Variants in FRAS1 observed in about 807,000 individuals in gnomAD.
The protein encoded by FRAS1 is Fraser extracellular matrix complex subunit 1.
Under a neutral mutation model 435.2 loss-of-function variants are expected in FRAS1, and 290 were observed. That is an observed-to-expected ratio of 0.67 (90% CI 0.61 to 0.73). FRAS1 has a LOEUF of 0.73. Among genes scored for constraint, FRAS1 ranks in the 30% least tolerant of loss-of-function variants. The pLI is 0.00. For missense variants in FRAS1, 4,860 were observed against 5,001.5 expected, an observed-to-expected ratio of 0.97 and a Z score of 0.85; for synonymous variants, 1,800 against 1,851.0, an observed-to-expected ratio of 0.97 and a Z score of 0.71.
At chr4:78,113,543 C>T (rs1742891495) in intron 2 of FRAS1, among the ~76,000 whole-genome samples, 1 of 152,170 alleles carries the variant, frequency 6.6e-6, no homozygotes, top group Non-Finnish European at 1.5e-5. Context: ...GATGGTATCT[C>T]ATTGTGGTTT....
At chr4:78,252,909 T>C (rs1725610164) in intron 5 of FRAS1, among the ~76,000 whole-genome samples, 2 of 152,150 alleles carry the variant, frequency 1.3e-5, no homozygotes, top group Non-Finnish European at 2.9e-5. Context: ...AGGGTCTGTG[T>C]CCCGCTGTGC....
intron 2 of FRAS1, among the ~76,000 whole-genome samples, chr4:78,168,508 A>G (rs574528710): frequency 2.0e-5 from 3 of 151,850 alleles, no homozygotes; most frequent in Non-Finnish European, 4.4e-5. Context: ...TAAAACTTCA[A>G]ATTTTTTTTT....
At chr4:78,538,353 TG>T (rs1047225411) in intron 72 of FRAS1, among the ~76,000 whole-genome samples, 10 of 152,190 alleles carry the variant, frequency 6.6e-5, no homozygotes, top group African/African-American at 2.4e-4. Flanking sequence ...TAAAGGGTCC[TG>T]AGACCAAATA....
chr4:78,306,533 C>A (rs1728724027), intron 14 of FRAS1, among the ~76,000 whole-genome samples: 2 of 95,420 alleles, frequency 2.1e-5, no homozygotes, highest in African/African-American at 4.3e-5. Context: ...TTCACATAGT[C>A]CCATATTTCT....
intron 4 of FRAS1, among the ~76,000 whole-genome samples, chr4:78,250,160 T>G (rs1725467767): frequency 6.6e-6 from 1 of 152,106 alleles, no homozygotes; most frequent in Admixed American, 6.6e-5. Context: ...AAATATTTTC[T>G]TGGGGAAAAT....
At chr4:78,207,962 C>G (rs556848265) in intron 2 of FRAS1, among the ~76,000 whole-genome samples, 1 of 152,154 alleles carries the variant, frequency 6.6e-6, no homozygotes, top group Non-Finnish European at 1.5e-5. Context: ...CATTGTGAAC[C>G]TTTGCTCCAG....
At chr4:78,060,064 TAATGAATG>T (rs895626245) in intron 1 of FRAS1, among the ~76,000 whole-genome samples, 4 of 152,158 alleles carry the variant, frequency 2.6e-5, no homozygotes, top group Admixed American at 1.3e-4. Flanking sequence ...GCTTATCTAA[TAATGAATG>T]AATGAATGAA....
At chr4:78,184,140 C>T (rs1326969630) in intron 2 of FRAS1, among the ~76,000 whole-genome samples, 1 of 152,130 alleles carries the variant, frequency 6.6e-6, no homozygotes, top group African/African-American at 2.4e-5. Context: ...CCCATTTATT[C>T]CTCATAGCAA....
At chr4:78,410,913 A>G (rs1733308674) in intron 31 of FRAS1, among the ~76,000 whole-genome samples, 1 of 152,180 alleles carries the variant, frequency 6.6e-6, no homozygotes, top group Admixed American at 6.5e-5. Flanking sequence ...TTTTATAGGC[A>G]TACCTAATAT....
intron 21 of FRAS1, 49 bp downstream of exon 21, chr4:78,363,714 T>C (rs1731163880): frequency 1.3e-6 from 2 of 1,542,796 alleles, no homozygotes; most frequent in Non-Finnish European, 1.8e-6. Flanking sequence ...TGAGGTTCTC[T>C]TGGGGCAGTA....
intron 29 of FRAS1, among the ~76,000 whole-genome samples, chr4:78,399,728 G>A (rs375911913): frequency 9.2e-5 from 14 of 152,234 alleles, no homozygotes; most frequent in African/African-American, 2.9e-4. Flanking sequence ...TGCTGTCTAC[G>A]ATGAATTTAC....
In FRAS1 at chr4:78,521,620, C is replaced by A; in HGVS notation, c.10638C>A (p.Ala3546=). Reference sequence around the variant, plus strand: ...TTGTCATTGAATTCAAGACCCATGCCAAATTCAGAGGTAATATCAATGCCG... The same window carrying A: ...TTGTCATTGAATTCAAGACCCATGCAAAATTCAGAGGTAATATCAATGCCG... ...GRLVIEFKTH[A]KFRGQFVMEH... The change falls in exon 68 of 74, where the codon GCC becomes GCA. Residue 3546 remains alanine, a synonymous_variant. Coordinates refer to ENST00000512123, the MANE Select transcript of FRAS1 (RefSeq NM_025074.7). 1.2e-6 allele frequency: 2 copies of A among 1,600,590 alleles called. No homozygotes were observed. Among genetic ancestry groups the A allele is most frequent in the Non-Finnish European group, 8.5e-7 (1 of 1,172,310 alleles).
chr4:78,440,279 G>T (rs545810893), intron 40 of FRAS1, among the ~76,000 whole-genome samples: 4 of 151,854 alleles, frequency 2.6e-5, no homozygotes, highest in African/African-American at 7.3e-5. Flanking sequence ...TGATCCACCC[G>T]CCTCGGCCTC....
intron 21 of FRAS1, 105 bp downstream of exon 21, chr4:78,363,770 T>G (rs1578275084): frequency 7.0e-7 from 1 of 1,431,494 alleles, no homozygotes. Flanking sequence ...AGGCAGGAAG[T>G]GTAAACCACT....
chr4:78,439,568 T>C (rs1360558252), intron 40 of FRAS1, among the ~76,000 whole-genome samples: 1 of 152,240 alleles, frequency 6.6e-6, no homozygotes, highest in East Asian at 1.9e-4. Context: ...CCTTGGGCCG[T>C]ACACTTAATC....
intron 21 of FRAS1, 23 bp from the exon 22 acceptor site, chr4:78,363,885 T>C (rs762917940): frequency 1.5e-4 from 236 of 1,596,304 alleles, no homozygotes; most frequent in Non-Finnish European, 1.9e-4. Context: ...ATGGTTTCTG[T>C]TGTGTCTCTT....
At chr4:78,270,232 T>C (rs759033752) in intron 9 of FRAS1, among the ~76,000 whole-genome samples, 1 of 152,218 alleles carries the variant, frequency 6.6e-6, no homozygotes, top group African/African-American at 2.4e-5. Flanking sequence ...TGAATCCTTG[T>C]GCCCCAGGAG....
intron 20 of FRAS1, among the ~76,000 whole-genome samples, chr4:78,343,237 T>A (rs1441816324): frequency 1.3e-5 from 2 of 152,246 alleles, no homozygotes; most frequent in African/African-American, 4.8e-5. Flanking sequence ...TCCCGAGCAC[T>A]GAATTGAAGA....
chr4:78,188,457 G>A (rs927801456), intron 2 of FRAS1, among the ~76,000 whole-genome samples: 2 of 152,172 alleles, frequency 1.3e-5, no homozygotes, highest in Non-Finnish European at 2.9e-5. Context: ...AGGCTGGCTA[G>A]GCCACTGGAC....
Sources: allele counts gnomAD v4.1 joint callset (sites outside exome capture counted in the v4.1 genomes callset), GRCh38; gene constraint gnomAD v4.1.1; transcripts MANE v1.5; gene names NCBI Gene and HGNC (gene_info 2026-07-23, HGNC 2026-07-21).